Variants in PTCHD4 observed in about 807,000 individuals in gnomAD.
PTCHD4 encodes the protein patched domain-containing protein 4.
In PTCHD4, 33 loss-of-function variants were observed where a neutral mutation model predicts 58.1. The ratio of observed to expected loss-of-function variants is 0.57; its 90% CI spans 0.43 to 0.76. The LOEUF (loss-of-function observed/expected upper bound fraction) is 0.76, where lower values mean the gene tolerates loss of function less well. PTCHD4 is among the 30% of genes least tolerant of loss of function. The pLI, the probability that PTCHD4 is intolerant of heterozygous loss-of-function variation, is 0.00. For missense variants in PTCHD4, 1,058 were observed against 1,027.1 expected, an observed-to-expected ratio of 1.03 and a Z score of -0.41; for synonymous variants, 478 against 409.6, an observed-to-expected ratio of 1.17 and a Z score of -2.02.
intron 4 of PTCHD4, among the ~76,000 whole-genome samples, chr6:47,950,316 C>T (rs1766595158): frequency 6.6e-6 from 1 of 152,112 alleles, no homozygotes; most frequent in Non-Finnish European, 1.5e-5. Flanking sequence ...AAAATATAAG[C>T]TGGGTGGGAG....
chr6:48,006,497 C>A (rs2114076260), intron 4 of PTCHD4, among the ~76,000 whole-genome samples: 1 of 152,190 alleles, frequency 6.6e-6, no homozygotes, highest in East Asian at 1.9e-4. Flanking sequence ...TGTTAACCTC[C>A]AATGAACTAT....
intron 3 of PTCHD4, among the ~76,000 whole-genome samples, chr6:48,016,196 C>A (rs878920986): frequency 5.3e-5 from 8 of 151,950 alleles, no homozygotes; most frequent in South Asian, 4.2e-4. Context: ...TATCATGGCC[C>A]GCAGGCAAAA....
At chr6:47,975,361 C>A (rs185513683) in intron 4 of PTCHD4, among the ~76,000 whole-genome samples, 1 of 152,084 alleles carries the variant, frequency 6.6e-6, no homozygotes. Flanking sequence ...TATTGTTTCT[C>A]GGCATCTGTT....
At chr6:47,982,483 T>TA (rs1442519807) in intron 4 of PTCHD4, among the ~76,000 whole-genome samples, 1 of 139,036 alleles carries the variant, frequency 7.2e-6, no homozygotes, top group African/African-American at 2.8e-5. Context: ...ATCTCTCTCT[T>TA]TTTTTTTTTT....
chr6:47,969,626 C>T lies in PTCHD4; in HGVS notation c.898+39008G>A, dbSNP rs146717005. ...GCATAAAATTCTTTAAAAAATGACCCCCCCCAAAAAATAAAATTGCATAAC... is the reference window on the plus strand; with the variant it reads ...GCATAAAATTCTTTAAAAAATGACCTCCCCCAAAAAATAAAATTGCATAAC... On this transcript the variant is annotated intron_variant, in intron 4 of 4. Coordinates refer to ENST00000339488, the MANE Select transcript of PTCHD4 (RefSeq NM_001384253.1). Among the ~76,000 whole-genome samples the T allele has an allele frequency of 3.0e-3, 448 of 151,864 alleles. 3 individuals are homozygous for T. Among genetic ancestry groups the T allele is most frequent in the African/African-American group, 0.01 (425 of 41,462 alleles).
At chr6:48,040,010 T>G (rs1763788528) in intron 3 of PTCHD4, among the ~76,000 whole-genome samples, 5 of 152,122 alleles carry the variant, frequency 3.3e-5, no homozygotes, top group Admixed American at 3.3e-4. Flanking sequence ...ACTCTGCATT[T>G]CTAACAGGCT....
chr6:47,962,544 G>A (rs114159942), intron 4 of PTCHD4, among the ~76,000 whole-genome samples: 7,356 of 152,032 alleles, frequency 0.048, 270 homozygotes, highest in Non-Finnish European at 0.074. Context: ...GAGTTCTCAC[G>A]AGAACTGAGA....
At chr6:47,894,451 A>G (rs1305055960) in intron 4 of PTCHD4, among the ~76,000 whole-genome samples, 3 of 152,206 alleles carry the variant, frequency 2.0e-5, no homozygotes, top group Non-Finnish European at 2.9e-5. Context: ...TCCCAACTAG[A>G]TAACCTTCAA....
intron 3 of PTCHD4, among the ~76,000 whole-genome samples, chr6:48,047,968 A>G (rs1764096330): frequency 6.6e-6 from 1 of 150,934 alleles, no homozygotes; most frequent in Admixed American, 6.6e-5. Flanking sequence ...GAATTCTCTC[A>G]CATATGAAAA....
chr6:48,009,224 G>T (rs1356130582), intron 3 of PTCHD4, 110 bp from the exon 4 acceptor site: 1 of 1,182,712 alleles, frequency 8.5e-7, no homozygotes, highest in Non-Finnish European at 1.2e-6. Context: ...GCTAGTAATT[G>T]TGAAACTGAT....
At chr6:47,895,414 T>G (rs919586437) in intron 4 of PTCHD4, among the ~76,000 whole-genome samples, 11 of 152,326 alleles carry the variant, frequency 7.2e-5, no homozygotes, top group Non-Finnish European at 1.5e-4. Context: ...TCAGAAATTT[T>G]AAATAATGAG....
rs545911890 is a variant in PTCHD4, at chr6:47,857,479, C to A, written c.*20824G>T. ...TCCTTTTGGCAAGATAAAAAACTAA[C>A]CCTTGGGTTCAAACAATAAATGAGG... is the stretch of plus-strand genomic sequence containing the variant. On this transcript the variant is annotated 3_prime_UTR_variant, in exon 5 of 5. Coordinates refer to ENST00000339488, the MANE Select transcript of PTCHD4 (RefSeq NM_001384253.1). Among the ~76,000 whole-genome samples, 3 of 151,980 alleles carry A rather than the reference C, an allele frequency of 2.0e-5. No homozygotes were observed. The highest frequency in any genetic ancestry group is 2.9e-5 in the Non-Finnish European group (2 of 67,958).
At position 47,937,428 on chromosome 6, in the gene PTCHD4, A is replaced by G. The variant is rs1328715452; in HGVS notation, c.899-57492T>C. Among the ~76,000 whole-genome samples, 3 of 152,200 alleles carry G rather than the reference A, an allele frequency of 2.0e-5. No homozygotes were observed. In the East Asian group the frequency reaches 5.8e-4, roughly 29 times the overall value. Reference sequence around the variant, plus strand: ...CTTTGTGAAGGAAAGAGAGCTGGTAAGGATTATTCCATATTTTTGGTTATA... The same window carrying G: ...CTTTGTGAAGGAAAGAGAGCTGGTAGGGATTATTCCATATTTTTGGTTATA... On this transcript the variant is annotated intron_variant, in intron 4 of 4. Transcript: ENST00000339488.
chr6:48,022,372 A>G (rs1763101468), intron 3 of PTCHD4, among the ~76,000 whole-genome samples: 1 of 152,020 alleles, frequency 6.6e-6, no homozygotes, highest in African/African-American at 2.4e-5. Flanking sequence ...AGTCCATTTT[A>G]TCTTTGCTAA....
In PTCHD4 at chr6:47,858,642, G is replaced by A. The variant is rs476873; in HGVS notation, c.*19661C>T. Reference sequence around the variant, plus strand: ...AGGATAAACTAAGGCATAAAACAAAGAGCAATAAGAAATCTGAACACAAGT... The same window carrying A: ...AGGATAAACTAAGGCATAAAACAAAAAGCAATAAGAAATCTGAACACAAGT... On this transcript the variant is annotated 3_prime_UTR_variant, in exon 5 of 5. Transcript: ENST00000339488. Among the ~76,000 whole-genome samples the A allele has an allele frequency of 0.82, 124,454 of 151,976 alleles. 51,109 individuals carry two copies. Among genetic ancestry groups the A allele is most frequent in the East Asian group, 0.95 (4,896 of 5,152 alleles).
At chr6:47,914,054 A>G (rs1029252184) in intron 4 of PTCHD4, among the ~76,000 whole-genome samples, 1 of 152,140 alleles carries the variant, frequency 6.6e-6, no homozygotes, top group African/African-American at 2.4e-5. Flanking sequence ...GCTATGCCAT[A>G]CCACAAATAT....
At chr6:48,070,009 A>G (rs553051316) in intron 1 of PTCHD4, among the ~76,000 whole-genome samples, 83 bp from the exon 2 acceptor site, 3 of 152,252 alleles carry the variant, frequency 2.0e-5, no homozygotes, top group Admixed American at 6.5e-5. Flanking sequence ...TCACTGTATA[A>G]GAAAGAAAAC....
At position 47,957,170 on chromosome 6, in the gene PTCHD4, G is replaced by GAA. The variant is rs112405970; in HGVS notation, c.898+51462_898+51463dup. ...ACAGAGTGAGACTCTGTCTCAAAAAGAAAAAAAAAAACCTTGCCTTTTATA... is the reference window on the plus strand; with the variant it reads ...ACAGAGTGAGACTCTGTCTCAAAAAGAAAAAAAAAAAAACCTTGCCTTTTATA... On this transcript the variant is annotated intron_variant, in intron 4 of 4. Transcript: ENST00000339488. Among the ~76,000 whole-genome samples, 1,051 of 127,416 alleles carry GAA rather than the reference G, an allele frequency of 8.2e-3. 16 individuals are homozygous for GAA. Among genetic ancestry groups the GAA allele is most frequent in the African/African-American group, 0.027 (965 of 35,968 alleles). 83.6% of individuals were successfully genotyped at this position (127,416 alleles called of 152,430 possible).
At chr6:48,062,586 G>A (rs1764667523) in intron 3 of PTCHD4, among the ~76,000 whole-genome samples, 1 of 152,132 alleles carries the variant, frequency 6.6e-6, no homozygotes, top group Non-Finnish European at 1.5e-5. Context: ...AAACCAAGGA[G>A]CAGAAACTAG....
Sources: gnomAD v4.1 joint callset for allele counts (sites outside exome capture counted in the v4.1 genomes callset) on GRCh38, gnomAD v4.1.1 for gene constraint, MANE v1.5 for transcripts, NCBI Gene and HGNC (gene_info 2026-07-23, HGNC 2026-07-21) for gene names.